The following RNGTT variants were observed in gnomAD, a reference collection of about 807,000 sequenced individuals.
RNGTT encodes RNA guanylyltransferase and 5'-phosphatase, also known as mRNA-capping enzyme.
In RNGTT, 33 loss-of-function variants were observed where a neutral mutation model predicts 79.3. That is an observed-to-expected ratio of 0.42 (90% CI 0.32 to 0.56). The LOEUF is 0.56. Ranked by LOEUF, RNGTT falls within the 20% of genes least tolerant of loss-of-function variation. The pLI is 0.17. For synonymous variants in RNGTT, 222 were observed against 235.9 expected, an observed-to-expected ratio of 0.94 and a Z score of 0.54; for missense variants, 497 against 739.1, an observed-to-expected ratio of 0.67 and a Z score of 3.80.
intron 11 of RNGTT, among the ~76,000 whole-genome samples, chr6:88,803,739 A>G (rs1467114213): frequency 6.6e-6 from 1 of 151,850 alleles, no homozygotes; most frequent in Admixed American, 6.6e-5. Context: ...TAGGTACATC[A>G]TTTATGGCAA....
intron 12 of RNGTT, among the ~76,000 whole-genome samples, chr6:88,783,539 C>G (rs540262922): frequency 2.0e-3 from 299 of 152,016 alleles, no homozygotes; most frequent in African/African-American, 4.7e-3. Flanking sequence ...AATTTCTATA[C>G]GTCAAAAAAG....
chr6:88,820,729 T>C (rs1002446588), intron 11 of RNGTT, among the ~76,000 whole-genome samples: 1 of 152,108 alleles, frequency 6.6e-6, no homozygotes, highest in African/African-American at 2.4e-5. Flanking sequence ...AAAAATGAAA[T>C]ACTTAGGGAT....
intron 11 of RNGTT, among the ~76,000 whole-genome samples, chr6:88,820,199 C>CTGA (rs767567868): frequency 5.9e-5 from 9 of 152,152 alleles, no homozygotes; most frequent in Admixed American, 2.0e-4. Flanking sequence ...CAATATATTA[C>CTGA]TGATGATGAT....
At chr6:88,953,573 C>G (rs1785328983) in intron 1 of RNGTT, among the ~76,000 whole-genome samples, 1 of 152,110 alleles carries the variant, frequency 6.6e-6, no homozygotes, top group Non-Finnish European at 1.5e-5. Flanking sequence ...AGGAAAAGTT[C>G]CCTGGCCTTG....
At chr6:88,934,218 G>T (rs1051850256) in intron 2 of RNGTT, among the ~76,000 whole-genome samples, 1 of 152,098 alleles carries the variant, frequency 6.6e-6, no homozygotes, top group Non-Finnish European at 1.5e-5. Flanking sequence ...TTTTTTTAAA[G>T]ATGGTGTCTC....
intron 8 of RNGTT, among the ~76,000 whole-genome samples, chr6:88,881,620 A>G (rs1042249540): frequency 5.3e-5 from 8 of 152,170 alleles, no homozygotes; most frequent in African/African-American, 1.4e-4. Flanking sequence ...TGTGAGACAG[A>G]CAGGCAGGCA....
intron 11 of RNGTT, among the ~76,000 whole-genome samples, chr6:88,802,272 G>GT (rs773959750): frequency 1.1e-3 from 170 of 152,030 alleles, no homozygotes; most frequent in Non-Finnish European, 1.6e-3. Context: ...TTACTTTGGG[G>GT]TTTTTTTGTG....
intron 1 of RNGTT, among the ~76,000 whole-genome samples, chr6:88,954,527 C>T (rs1317054030): frequency 6.6e-6 from 1 of 152,054 alleles, no homozygotes; most frequent in Non-Finnish European, 1.5e-5. Context: ...CACAGCAACA[C>T]AACAATAGTG....
At chr6:88,963,024 G>C (rs1273771219) in intron 1 of RNGTT, among the ~76,000 whole-genome samples, 1 of 152,018 alleles carries the variant, frequency 6.6e-6, no homozygotes. Context: ...GGGGAAGGTT[G>C]AACCCTAACA....
chr6:88,848,102 AT>A (rs1424108869), intron 10 of RNGTT, among the ~76,000 whole-genome samples: 1 of 151,950 alleles, frequency 6.6e-6, no homozygotes, highest in Admixed American at 6.6e-5. Flanking sequence ...AAAAAAAAAA[AT>A]AAGAAATATG....
intron 8 of RNGTT, among the ~76,000 whole-genome samples, chr6:88,878,749 CT>C (rs1757919668): frequency 6.6e-6 from 1 of 152,088 alleles, no homozygotes; most frequent in Non-Finnish European, 1.5e-5. Flanking sequence ...CAGAAGAAAA[CT>C]AGAGCCAAAA....
rs189870346 is a variant in RNGTT, at chr6:88,720,798, G to A, written c.1440-42379C>T. Among the ~76,000 whole-genome samples the A allele has an allele frequency of 1.2e-4, 18 of 152,190 alleles. No individual in the cohort carries two copies. In the East Asian group the frequency reaches 2.9e-3, roughly 24 times the overall value. On this transcript the variant is annotated intron_variant, in intron 13 of 15. Coordinates refer to ENST00000369485, the MANE Select transcript of RNGTT (RefSeq NM_003800.5). ...AAAGGTAAATCTGAGTATATGATGA[G>A]TATTTAACATTCATTAAGGGTTAAG...
At chr6:88,941,327 G>A (rs745504739) in intron 1 of RNGTT, 147 bp from the exon 2 acceptor site, 28 of 572,010 alleles carry the variant, frequency 4.9e-5, no homozygotes, top group Non-Finnish European at 8.3e-5. Context: ...GAGTGCAGTG[G>A]TGCAATCTCA....
chr6:88,800,680 T>G (rs909004104), intron 12 of RNGTT, among the ~76,000 whole-genome samples: 2 of 152,208 alleles, frequency 1.3e-5, no homozygotes, highest in South Asian at 2.1e-4. Flanking sequence ...GAGTTTCTAC[T>G]CAATAGGTGT....
At chr6:88,895,687 T>C (rs538162043) in intron 6 of RNGTT, among the ~76,000 whole-genome samples, 1 of 152,352 alleles carries the variant, frequency 6.6e-6, no homozygotes, top group African/African-American at 2.4e-5. Flanking sequence ...CTCTGTTAAC[T>C]ATCTTCAACC....
In RNGTT at chr6:88,743,156, G is replaced by A. The variant is rs528234439; in HGVS notation, c.1439+26618C>T. ...AAAACACTGTATTGTTCATGGAGCA[G>A]TTTGAAAACCATGACTATGATAGAA... On this transcript the variant is annotated intron_variant, in intron 13 of 15. Coordinates refer to ENST00000369485, the MANE Select transcript of RNGTT (RefSeq NM_003800.5). Among the ~76,000 whole-genome samples, 409 of 152,310 alleles carry A rather than the reference G, an allele frequency of 2.7e-3. 2 individuals are homozygous for A. The highest frequency in any genetic ancestry group is 0.01 in the Middle Eastern group (3 of 294).
intron 13 of RNGTT, among the ~76,000 whole-genome samples, chr6:88,761,526 C>T (rs1778254374): frequency 6.6e-6 from 1 of 151,962 alleles, no homozygotes; most frequent in Non-Finnish European, 1.5e-5. Context: ...ACCTAAGCCT[C>T]CCAATACAAG....
At chr6:88,924,140 T>A (rs1393855494) in intron 4 of RNGTT, among the ~76,000 whole-genome samples, 1 of 152,220 alleles carries the variant, frequency 6.6e-6, no homozygotes, top group Non-Finnish European at 1.5e-5. Context: ...TCCCCCAACA[T>A]GCCATGTGCA....
At chr6:88,851,459 T>C (rs1781670723) in intron 9 of RNGTT, among the ~76,000 whole-genome samples, 1 of 152,004 alleles carries the variant, frequency 6.6e-6, no homozygotes, top group Non-Finnish European at 1.5e-5. Context: ...TATAAAAAAT[T>C]AATAGTTGAA....
Sources: allele counts gnomAD v4.1 joint callset (sites outside exome capture counted in the v4.1 genomes callset), GRCh38; gene constraint gnomAD v4.1.1; transcripts MANE v1.5; gene names NCBI Gene and HGNC (gene_info 2026-07-23, HGNC 2026-07-21).